ABCA13: variants seen among roughly 807,000 people sequenced by gnomAD.
The protein encoded by ABCA13 is ATP binding cassette subfamily A member 13.
Under a neutral mutation model 478.7 loss-of-function variants are expected in ABCA13, and 476 were observed. The ratio of observed to expected loss-of-function variants is 0.99; its 90% CI spans 0.92 to 1.07. The LOEUF is 1.07. Among genes scored for constraint, ABCA13 ranks in the 50% least tolerant of loss-of-function variants. ABCA13 has a pLI of 0.00. For missense variants in ABCA13, 6,060 were observed against 5,910.6 expected (o/e 1.03, Z -0.83); for synonymous variants, 2,252 against 2,158.9 (o/e 1.04, Z -1.20).
chr7:48,640,266 C>A (rs1323993404), intron 59 of ABCA13, among the ~76,000 whole-genome samples: 2 of 152,130 alleles, frequency 1.3e-5, no homozygotes, highest in African/African-American at 4.8e-5. Context: ...CTCAGGAATG[C>A]AAAGCTTCAT....
At chr7:48,204,851 C>CT in intron 3 of ABCA13, among the ~76,000 whole-genome samples, 1 of 152,270 alleles carries the variant, frequency 6.6e-6, no homozygotes, top group Non-Finnish European at 1.5e-5. Context: ...TTCCCAGCCC[C>CT]TTTCATAACT....
chr7:48,392,161 T>C, intron 38 of ABCA13, 22 bp downstream of exon 38: 1 of 1,605,156 alleles, frequency 6.2e-7, no homozygotes, highest in Non-Finnish European at 8.5e-7. Flanking sequence ...GTTGTCTCTC[T>C]GCTCCTCCTG....
Position 48,530,934 on chromosome 7 carries a change from G to A in ABCA13, c.14354+2589G>A, listed in dbSNP as rs186450020. Among the ~76,000 whole-genome samples, 30 of 152,226 alleles carry A rather than the reference G, an allele frequency of 2.0e-4. No individual in the cohort carries two copies. In the East Asian group the frequency reaches 5.6e-3, roughly 28 times the overall value. On this transcript the variant is annotated intron_variant, in intron 55 of 61. Coordinates refer to ENST00000435803, the MANE Select transcript of ABCA13 (RefSeq NM_152701.5). ...TTGTGAAGATTTTCTCCCACTCTGTGGGCTGGCTGTTAACCCTGCTGATTG... is the reference window on the plus strand; with the variant it reads ...TTGTGAAGATTTTCTCCCACTCTGTAGGCTGGCTGTTAACCCTGCTGATTG...
rs539349015 is a variant in ABCA13, at chr7:48,268,100, G to A, written c.2006-880G>A. On this transcript the variant is annotated intron_variant, in intron 15 of 61. Coordinates refer to ENST00000435803, the MANE Select transcript of ABCA13 (RefSeq NM_152701.5). ...TTTCAGTCTGGCTGATGGAAACAAA[G>A]TGTATTGCTGGTCCTGAGCACCAGA... Among the ~76,000 whole-genome samples the A allele has an allele frequency of 2.0e-5, 3 of 152,164 alleles. No homozygotes were observed. In the South Asian group the frequency reaches 6.2e-4, roughly 32 times the overall value.
intron 15 of ABCA13, among the ~76,000 whole-genome samples, chr7:48,256,325 G>A (rs1793382716): frequency 6.6e-6 from 1 of 151,860 alleles, no homozygotes; most frequent in Non-Finnish European, 1.5e-5. Flanking sequence ...TCGATTTTTT[G>A]TTGTTGTTGC....
intron 5 of ABCA13, among the ~76,000 whole-genome samples, chr7:48,224,018 A>G (rs985586172): frequency 2.0e-5 from 3 of 151,172 alleles, no homozygotes; most frequent in Non-Finnish European, 4.4e-5. Context: ...GTGGAGACAG[A>G]GAGTGTATAT....
chr7:48,200,566 T>G (rs909196794), intron 3 of ABCA13, among the ~76,000 whole-genome samples: 1 of 152,134 alleles, frequency 6.6e-6, no homozygotes, highest in African/African-American at 2.4e-5. Context: ...GCCTTTAACT[T>G]TGAGAACGAA....
rs372551264 is a variant in ABCA13 at position 48,554,168 on chromosome 7, T to A, written c.14354+25823T>A. Among the ~76,000 whole-genome samples the A allele has an allele frequency of 9.2e-5, 14 of 152,174 alleles. No homozygotes were observed. The South Asian group carries it at 2.9e-3, about 32-fold the overall frequency. Reference sequence around the variant, plus strand: ...GGATTTGTTTCTGGGATTTCTATTCTGTCGCATTGGCCTATGTGCCTGTTT... The same window carrying A: ...GGATTTGTTTCTGGGATTTCTATTCAGTCGCATTGGCCTATGTGCCTGTTT... On this transcript the variant is annotated intron_variant, in intron 55 of 61. Coordinates refer to ENST00000435803, the MANE Select transcript of ABCA13 (RefSeq NM_152701.5).
intron 39 of ABCA13, among the ~76,000 whole-genome samples, chr7:48,406,206 A>G (rs888982427): frequency 7.2e-5 from 11 of 152,312 alleles, no homozygotes; most frequent in African/African-American, 2.4e-4. Context: ...TGTGTCTCCC[A>G]TGGAAAAATA....
Position 48,528,229 on chromosome 7 carries a change from C to T in ABCA13, c.14245-7C>T, listed in dbSNP as rs1412894719. ...AATGTGCTTTACTTAACTTTGTTTC[C>T]TCTTAGTGCTTTGGACTTCTAGGGG... On this transcript the variant is annotated splice_polypyrimidine_tract_variant and splice_region_variant and intron_variant, in intron 54 of 61. Coordinates refer to ENST00000435803, the MANE Select transcript of ABCA13 (RefSeq NM_152701.5). 23 of 1,560,964 alleles carry T rather than the reference C, an allele frequency of 1.5e-5. No individual in the cohort carries two copies. Among genetic ancestry groups the T allele is most frequent in the Non-Finnish European group, 2.0e-5 (23 of 1,150,374 alleles).
chr7:48,616,376 C>A (rs963397473), intron 59 of ABCA13, among the ~76,000 whole-genome samples: 7 of 152,070 alleles, frequency 4.6e-5, no homozygotes, highest in Admixed American at 1.3e-4. Flanking sequence ...GTACTCTGCC[C>A]ATCTTTAATA....
chr7:48,231,160 CTTAAAG>C (rs1789015390), intron 7 of ABCA13, among the ~76,000 whole-genome samples: 1 of 145,148 alleles, frequency 6.9e-6, no homozygotes, highest in African/African-American at 2.6e-5. Flanking sequence ...TATCCCGGAA[CTTAAAG>C]TTAAAAAAAA....
intron 45 of ABCA13, among the ~76,000 whole-genome samples, chr7:48,478,948 CTTTTTTTT>C (rs71227263): frequency 2.3e-4 from 31 of 134,572 alleles, no homozygotes; most frequent in Admixed American, 2.0e-3. Flanking sequence ...AAAATCTACT[CTTTTTTTT>C]TTTTTTTTTG....
chr7:48,492,689 G>A (rs545448505), intron 48 of ABCA13, among the ~76,000 whole-genome samples: 1 of 152,190 alleles, frequency 6.6e-6, no homozygotes, highest in African/African-American at 2.4e-5. Flanking sequence ...GGACTTCCCA[G>A]ACTCCAAACA....
intron 41 of ABCA13, among the ~76,000 whole-genome samples, chr7:48,418,873 T>G (rs1820375329): frequency 6.6e-6 from 1 of 152,228 alleles, no homozygotes; most frequent in African/African-American, 2.4e-5. Flanking sequence ...ATTAGTCCAT[T>G]CTCACATTGC....
At chr7:48,622,059 C>T (rs377476365) in intron 59 of ABCA13, among the ~76,000 whole-genome samples, 8 of 152,212 alleles carry the variant, frequency 5.3e-5, no homozygotes, top group South Asian at 2.1e-4. Context: ...CTCATTCCAG[C>T]GCTTCCCTTC....
intron 1 of ABCA13, 149 bp downstream of exon 1, chr7:48,171,701 ACC>A: frequency 1.2e-6 from 1 of 841,188 alleles, no homozygotes; most frequent in Non-Finnish European, 1.9e-6. Flanking sequence ...TTAAATCAAA[ACC>A]CGTCCCAAGG....
At chr7:48,642,533 GA>G (rs1192177337) in intron 59 of ABCA13, among the ~76,000 whole-genome samples, 1 of 152,170 alleles carries the variant, frequency 6.6e-6, no homozygotes. Context: ...TTAGTCATCA[GA>G]GTATATTCAT....
intron 38 of ABCA13, among the ~76,000 whole-genome samples, chr7:48,399,974 C>T (rs1219335558): frequency 6.6e-6 from 1 of 152,118 alleles, no homozygotes; most frequent in Non-Finnish European, 1.5e-5. Flanking sequence ...CCATGTATTT[C>T]AAGGACAGAA....
Sources: gnomAD v4.1 joint callset for allele counts (sites outside exome capture counted in the v4.1 genomes callset) on GRCh38, gnomAD v4.1.1 for gene constraint, MANE v1.5 for transcripts, NCBI Gene and HGNC (gene_info 2026-07-23, HGNC 2026-07-21) for gene names.